The following NT5DC3 variants were observed in gnomAD, a reference collection of about 807,000 sequenced individuals.
NT5DC3 encodes 5'-nucleotidase domain-containing protein 3.
Under a neutral mutation model 67.8 loss-of-function variants are expected in NT5DC3, and 42 were observed. The ratio of observed to expected loss-of-function variants is 0.62; its 90% CI spans 0.48 to 0.80. The LOEUF (loss-of-function observed/expected upper bound fraction) is 0.80. NT5DC3 is among the 30% of genes least tolerant of loss of function. NT5DC3 has a pLI of 0.00. For synonymous variants in NT5DC3, 237 were observed against 255.6 expected (o/e 0.93, Z 0.69); for missense variants, 570 against 696.4 (o/e 0.82, Z 2.04).
rs1181074609 is a variant in NT5DC3, at chr12:103,787,457, A to AT, written c.1171dup (p.Ile391AsnfsTer4). 1 of 1,601,444 alleles carries AT rather than the reference A, an allele frequency of 6.2e-7. No homozygotes were observed. Among genetic ancestry groups the AT allele is most frequent in the African/African-American group, 1.3e-5 (1 of 74,756 alleles). On this transcript the variant is annotated frameshift_variant, in exon 11 of 14. Transcript: ENST00000392876. LOFTEE classifies it high-confidence loss of function. The stretch of plus-strand genomic sequence containing the variant: ...GCCCCTCACCGCCAGGTCACTGTAT[A>AT]TATGGTCACCAAAATACAACACTCT...
intron 2 of NT5DC3, among the ~76,000 whole-genome samples, chr12:103,811,167 A>C (rs528990271): frequency 8.5e-5 from 13 of 152,222 alleles, no homozygotes. Context: ...GCCCCTGCAA[A>C]GTTCCCATTC....
intron 13 of NT5DC3, 39 bp from the exon 14 acceptor site, chr12:103,778,120 T>C: frequency 1.3e-6 from 2 of 1,548,614 alleles, no homozygotes; most frequent in Non-Finnish European, 1.7e-6. Flanking sequence ...CAGAGAATGA[T>C]TCAAAAATCC....
At chr12:103,767,633 G>GTCTT (rs374198688), downstream of NT5DC3, among the ~76,000 whole-genome samples, 27 of 152,160 alleles carry the variant, frequency 1.8e-4, 1 homozygote, top group African/African-American at 6.0e-4. Context: ...TGGCTTTGGG[G>GTCTT]TCTTTTAAAT....
At chr12:103,746,733 A>G in the NT5DC3 span, 8 of 1,608,696 alleles carry the variant, frequency 5.0e-6, no homozygotes, top group Non-Finnish European at 6.8e-6. Context: ...CAGGTGAAAT[A>G]GCAGCATGGT....
the NT5DC3 span, chr12:103,748,937 G>A: frequency 6.3e-7 from 1 of 1,599,944 alleles, no homozygotes; most frequent in South Asian, 1.1e-5. Flanking sequence ...GTGGTAAGTT[G>A]AGCCCTCTCT....
chr12:103,761,012 G>C, the NT5DC3 span, among the ~76,000 whole-genome samples: 2 of 132,180 alleles, frequency 1.5e-5, no homozygotes, highest in African/African-American at 5.7e-5. Context: ...GCTACTTCCT[G>C]GGTGATCTGG....
chr12:103,814,497 A>G (rs1322967866), intron 2 of NT5DC3, among the ~76,000 whole-genome samples: 4 of 151,986 alleles, frequency 2.6e-5, no homozygotes, highest in Non-Finnish European at 5.9e-5. Context: ...CTCATTAAAA[A>G]CTCTCAACAA....
chr12:103,812,110 AT>A (rs1391409682), intron 2 of NT5DC3, among the ~76,000 whole-genome samples: 1 of 152,170 alleles, frequency 6.6e-6, no homozygotes, highest in Non-Finnish European at 1.5e-5. Flanking sequence ...AAAAATTTCC[AT>A]TTTTGTAAAA....
At chr12:103,760,701 G>C in the NT5DC3 span, among the ~76,000 whole-genome samples, 1 of 152,218 alleles carries the variant, frequency 6.6e-6, no homozygotes, top group Non-Finnish European at 1.5e-5. Flanking sequence ...GAGACATGCA[G>C]AGAGTAGTGC....
At chr12:103,840,618 C>G (rs1281681741) in intron 1 of NT5DC3, among the ~76,000 whole-genome samples, 1 of 152,100 alleles carries the variant, frequency 6.6e-6, no homozygotes, top group Non-Finnish European at 1.5e-5. Context: ...GTGGCCGGCT[C>G]CCAAGGGAGG....
At chr12:103,785,310 A>G (rs1593385999) in intron 12 of NT5DC3, 25 bp downstream of exon 12, 1 of 1,610,722 alleles carries the variant, frequency 6.2e-7, no homozygotes, top group Admixed American at 1.7e-5. Flanking sequence ...AGAAAAAGTG[A>G]GAGAGAAAAA....
downstream of NT5DC3, chr12:103,771,430 C>T (rs1202371719): frequency 6.6e-6 from 1 of 152,214 alleles, no homozygotes; most frequent in Admixed American, 6.5e-5. Flanking sequence ...TTTCCACCTA[C>T]ATGAATTGTA....
the NT5DC3 span, among the ~76,000 whole-genome samples, chr12:103,748,020 G>C: frequency 2.6e-4 from 38 of 147,638 alleles, no homozygotes; most frequent in African/African-American, 9.0e-4. Context: ...AAAAAGGGAA[G>C]AAGAAGAAGA....
At chr12:103,825,080 C>T (rs1478240679) in intron 1 of NT5DC3, among the ~76,000 whole-genome samples, 1 of 152,148 alleles carries the variant, frequency 6.6e-6, no homozygotes, top group African/African-American at 2.4e-5. Flanking sequence ...GGCATGCCCC[C>T]CCGGGAAGAG....
intron 13 of NT5DC3, among the ~76,000 whole-genome samples, chr12:103,778,977 T>C (rs1012164678): frequency 1.3e-5 from 2 of 152,144 alleles, no homozygotes; most frequent in African/African-American, 4.8e-5. Context: ...CTGCTCCCGA[T>C]GGTACACAGA....
chr12:103,806,647 C>T (rs1886812850), intron 3 of NT5DC3, among the ~76,000 whole-genome samples: 1 of 152,208 alleles, frequency 6.6e-6, no homozygotes, highest in Admixed American at 6.5e-5. Flanking sequence ...TAAACAGTAC[C>T]TCCTAAATAG....
In NT5DC3 at chr12:103,793,241, A is replaced by T; in HGVS notation, c.942T>A (p.Val314=). ...CGAACAGGTCCCTCCAGTCTTTCCC[A>T]ACGATATAACTCATCCCTTTGTCCC... The part of the protein sequence containing the change: ...SFVDKGMSYI[V]GKDWRDLFDV... The change falls in exon 9 of 14, where the codon GTT becomes GTA. Residue 314 remains valine (V), a synonymous_variant. Transcript: ENST00000392876. The T allele has an allele frequency of 6.2e-7, 1 of 1,610,238 alleles. No homozygotes were observed. The highest frequency in any genetic ancestry group is 8.5e-7 in the Non-Finnish European group (1 of 1,179,084).
At chr12:103,793,070 T>G (rs928809885) in intron 9 of NT5DC3, 94 bp downstream of exon 9, 15 of 873,082 alleles carry the variant, frequency 1.7e-5, no homozygotes, top group Non-Finnish European at 2.4e-5. Context: ...CACATGCTTA[T>G]GATTTTGCAA....
chr12:103,753,590 G>A, the NT5DC3 span, among the ~76,000 whole-genome samples: 2 of 152,082 alleles, frequency 1.3e-5, no homozygotes, highest in Non-Finnish European at 2.9e-5. Flanking sequence ...TGAAGGCAGA[G>A]CAGGTGTTAC....
Sources: gnomAD v4.1 joint callset for allele counts (sites outside exome capture counted in the v4.1 genomes callset) on GRCh38, gnomAD v4.1.1 for gene constraint, MANE v1.5 for transcripts, NCBI Gene and HGNC (gene_info 2026-07-23, HGNC 2026-07-21) for gene names.